The following KCTD2 variants were observed in gnomAD, a reference collection of about 807,000 sequenced individuals.
KCTD2 encodes BTB/POZ domain-containing protein KCTD2.
A neutral mutation model predicts 27.9 loss-of-function variants in KCTD2; 18 were observed. The observed-to-expected ratio is 0.64, with a 90% CI of 0.45 to 0.96. The LOEUF is 0.96. Ranked by LOEUF, KCTD2 falls within the 40% of genes least tolerant of loss-of-function variation. KCTD2 has a pLI of 0.00. For synonymous variants in KCTD2, 175 were observed against 148.4 expected, an observed-to-expected ratio of 1.18 and a Z score of -1.30; for missense variants, 280 against 348.0, an observed-to-expected ratio of 0.80 and a Z score of 1.56.
At chr17:75,054,500 C>G (rs2073328962) in intron 3 of KCTD2, among the ~76,000 whole-genome samples, 1 of 152,128 alleles carries the variant, frequency 6.6e-6, no homozygotes, top group South Asian at 2.1e-4. Flanking sequence ...ATTGAAAGTC[C>G]TTGCCCTCAA....
chr17:75,059,210 A>C (rs558859888), intron 3 of KCTD2: 2 of 192,868 alleles, frequency 1.0e-5, no homozygotes, highest in African/African-American at 4.6e-5. Context: ...TCAAGCATTC[A>C]TCCCTCTGAA....
chr17:75,048,158 A>G (rs770222616), intron 1 of KCTD2, among the ~76,000 whole-genome samples: 6 of 152,180 alleles, frequency 3.9e-5, no homozygotes, highest in Non-Finnish European at 7.3e-5. Context: ...TATTTAGATC[A>G]AATGCGTTTT....
intron 3 of KCTD2, among the ~76,000 whole-genome samples, chr17:75,054,670 G>C (rs2073331682): frequency 6.6e-6 from 1 of 152,106 alleles, no homozygotes; most frequent in Non-Finnish European, 1.5e-5. Flanking sequence ...AGCCAGGCAT[G>C]GTGATGGGTG....
In KCTD2 at chr17:75,049,883, G is replaced by C. The variant is rs530783198; in HGVS notation, c.448+555G>C. The stretch of plus-strand genomic sequence containing the variant: ...TGTAGGGCATTGGGACTATAAGTGG[G>C]TCTAGTCCACTTTCTACAAGGCTTG... On this transcript the variant is annotated intron_variant, in intron 2 of 5. Transcript: ENST00000322444. Among the ~76,000 whole-genome samples, 6 of 152,164 alleles carry C rather than the reference G, an allele frequency of 3.9e-5. No individual in the cohort carries two copies. In the South Asian group the frequency reaches 1.2e-3, roughly 32 times the overall value.
rs770424610 is a variant in KCTD2 at position 75,047,583 on chromosome 17, A to G, written c.333A>G (p.Ser111=). 4 of 1,607,676 alleles carry G rather than the reference A, an allele frequency of 2.5e-6. No individual in the cohort carries two copies. In the South Asian group the frequency reaches 3.3e-5, roughly 13 times the overall value. Reference sequence around the variant, plus strand: ...GCCAGGAGGACCCGGAGCTGGACTCAGACAAGGTGTGCCCCGCCCTCGGGC... The same window carrying G: ...GCCAGGAGGACCCGGAGCTGGACTCGGACAAGGTGTGCCCCGCCCTCGGGC... ...LCCQEDPELD[S]DKDETGAYLI... Residue 111 remains serine, a synonymous_variant, in exon 1 of 6, where the codon TCA becomes TCG. Coordinates refer to ENST00000322444, the MANE Select transcript of KCTD2 (RefSeq NM_015353.3).
intron 4 of KCTD2, chr17:75,060,353 GT>G (rs2073391562): frequency 1.6e-6 from 2 of 1,289,002 alleles, no homozygotes; most frequent in Non-Finnish European, 2.1e-6. Flanking sequence ...CTGGAAAAAT[GT>G]AGTCCTTGAT....
chr17:75,044,074 G>C (rs1191391259), upstream of KCTD2, among the ~76,000 whole-genome samples: 1 of 150,004 alleles, frequency 6.7e-6, no homozygotes, highest in Non-Finnish European at 1.5e-5. Flanking sequence ...CCCCGGGCTG[G>C]AGTGCAGTGG....
intron 2 of KCTD2, among the ~76,000 whole-genome samples, chr17:75,034,520 C>G (rs751275161): frequency 1.3e-5 from 2 of 152,284 alleles, no homozygotes; most frequent in Admixed American, 6.5e-5. Flanking sequence ...AGACGCTAAA[C>G]CCACGTGCTC....
At chr17:75,053,858 C>CTTTTTTTTTTTTTTTTTTTTTTTTT (rs71159419) in intron 3 of KCTD2, among the ~76,000 whole-genome samples, 3 of 59,328 alleles carry the variant, frequency 5.1e-5, no homozygotes, top group Non-Finnish European at 8.4e-5. Context: ...GTGAACCATG[C>CTTTTTTTTTTTTTTTTTTTTTTTTT]TTTTTTTTTT....
chr17:75,062,999 C>G lies in KCTD2; in HGVS notation c.763-19C>G. 6.2e-7 allele frequency: 1 copy of G among 1,613,880 alleles called. No homozygotes were observed. Among genetic ancestry groups the G allele is most frequent in the Non-Finnish European group, 8.5e-7 (1 of 1,179,846 alleles). ...TTTCCCTCAGCAGCCTCAGCCTCTC[C>G]CCCATCTCCAACTTTCAGATTCTTC... On this transcript the variant is annotated intron_variant, in intron 5 of 5. Coordinates refer to ENST00000322444, the MANE Select transcript of KCTD2 (RefSeq NM_015353.3).
intron 2 of KCTD2, among the ~76,000 whole-genome samples, chr17:75,049,673 C>T (rs1162429196): frequency 6.6e-6 from 1 of 152,234 alleles, no homozygotes; most frequent in Non-Finnish European, 1.5e-5. Flanking sequence ...CAAGACATCT[C>T]TGACATTCAA....
chr17:75,060,612 G>A (rs935688157), intron 4 of KCTD2: 12 of 1,599,226 alleles, frequency 7.5e-6, no homozygotes, highest in East Asian at 2.3e-5. Flanking sequence ...GCTCTGGCTC[G>A]CCAGGTTCAT....
intron 4 of KCTD2, 118 bp downstream of exon 4, chr17:75,059,723 T>C: frequency 1.4e-6 from 1 of 736,338 alleles, no homozygotes; most frequent in East Asian, 2.7e-5. Context: ...CCAGGTGGGA[T>C]CCTATTCCAA....
chr17:75,059,323 T>C (rs1035602295), intron 3 of KCTD2, 187 bp from the exon 4 acceptor site: 31 of 406,916 alleles, frequency 7.6e-5, no homozygotes, highest in African/African-American at 5.9e-4. Context: ...GAAAAACATT[T>C]TTTAAAGAGA....
At chr17:75,039,867 C>G in intron 3 of KCTD2, 1 of 561,280 alleles carries the variant, frequency 1.8e-6, no homozygotes, top group South Asian at 2.2e-5. Flanking sequence ...TTTCTAGAGT[C>G]TTACAAAGAT....
chr17:75,033,951 A>G (rs1433518213), intron 1 of KCTD2: 2 of 152,252 alleles, frequency 1.3e-5, no homozygotes, highest in Non-Finnish European at 1.5e-5. Flanking sequence ...TAAGCCAGGG[A>G]TTGTGGGTTC....
intron 1 of KCTD2, chr17:75,033,076 C>T (rs1314725537): frequency 6.6e-6 from 1 of 152,136 alleles, no homozygotes; most frequent in Admixed American, 6.5e-5. Flanking sequence ...CTTGGCTGAA[C>T]TTCTTCTGTT....
chr17:75,035,197 TC>T (rs756039865), intron 2 of KCTD2: 3 of 152,050 alleles, frequency 2.0e-5, no homozygotes, highest in Non-Finnish European at 4.4e-5. Flanking sequence ...AACGTTTTAA[TC>T]CCTGCAACTA....
At chr17:75,060,653 G>C (rs2073395493) in intron 4 of KCTD2, 2 of 1,536,114 alleles carry the variant, frequency 1.3e-6, no homozygotes. Flanking sequence ...GGCCCGGCCA[G>C]GGAGGGCGCG....
Sources: gnomAD v4.1 joint callset for allele counts (sites outside exome capture counted in the v4.1 genomes callset) on GRCh38, gnomAD v4.1.1 for gene constraint, MANE v1.5 for transcripts, NCBI Gene and HGNC (gene_info 2026-07-23, HGNC 2026-07-21) for gene names.